The following TMEM8B variants were observed in gnomAD, a reference collection of about 807,000 sequenced individuals.
TMEM8B encodes nasopharyngeal carcinoma expressed 6.
A neutral mutation model predicts 49.3 loss-of-function variants in TMEM8B; 29 were observed. The ratio of observed to expected loss-of-function variants is 0.59; its 90% CI spans 0.44 to 0.80. TMEM8B has a LOEUF of 0.80. TMEM8B is among the 30% of genes least tolerant of loss of function. TMEM8B has a pLI of 0.00. For synonymous variants in TMEM8B, 264 were observed against 272.8 expected (o/e 0.97, Z 0.32); for missense variants, 575 against 658.5 (o/e 0.87, Z 1.39).
At position 35,853,166 on chromosome 9, in the gene TMEM8B, T is replaced by C; in HGVS notation, c.2348T>C (p.Leu783Pro). ...KQVLYLLGAM[L>P]LSMALQLDRH... ...GTGCTGTATTTGCTGGGAGCTATGCTGCTGTCCATGGCTCTGCAGCTTGAC... is the reference window on the plus strand; with the variant it reads ...GTGCTGTATTTGCTGGGAGCTATGCCGCTGTCCATGGCTCTGCAGCTTGAC... Residue 783 changes from leucine to proline, a missense_variant, in exon 12 of 13, where the codon CTG becomes CCG. By Grantham distance (98) the Leu-to-Pro change is moderately conservative. Coordinates refer to ENST00000643932, the MANE Select transcript of TMEM8B (RefSeq NM_001042590.4). The surrounding 1 kb of genome is among the most constrained non-coding windows in gnomAD (Gnocchi z 4.2). 1.2e-6 allele frequency: 2 copies of C among 1,614,150 alleles called. No individual in the cohort carries two copies. Among genetic ancestry groups the C allele is most frequent in the Non-Finnish European group, 1.7e-6 (2 of 1,179,964 alleles).
rs572769821 is a variant in TMEM8B, at chr9:35,853,545, C to T, written c.2480C>T (p.Thr827Met). The T allele has an allele frequency of 1.3e-5, 21 of 1,614,156 alleles. No individual in the cohort carries two copies. The highest frequency in any genetic ancestry group is 8.8e-5 in the South Asian group (8 of 91,088). The change falls in exon 13 of 13, where the codon ACG becomes ATG. Residue 827 changes from threonine to methionine, a missense_variant. By Grantham distance (81) the Thr-to-Met change is moderately conservative. Coordinates refer to ENST00000643932, the MANE Select transcript of TMEM8B (RefSeq NM_001042590.4). The surrounding 1 kb of genome is among the most constrained non-coding windows in gnomAD (Gnocchi z 4.2). ...SVRRRHCYPP[T>M]WRRWLFYLCP... is the part of the protein sequence containing the mutation. ...CGCCGCCGGCACTGCTACCCACCCA[C>T]GTGGCGCCGCTGGCTTTTCTACTTG...
In TMEM8B at chr9:35,859,961, G is replaced by C. The variant is rs1010782340; in HGVS notation, c.*6121G>C. ...CATCAGGACGTATTCCGTCACAGCTGTCTGGTTTGCCCACTTCATCTCATT... is the reference window on the plus strand; with the variant it reads ...CATCAGGACGTATTCCGTCACAGCTCTCTGGTTTGCCCACTTCATCTCATT... On this transcript the variant is annotated 3_prime_UTR_variant, in exon 13 of 13. Transcript: ENST00000643932. 2 of 152,696 alleles carry C rather than the reference G, an allele frequency of 1.3e-5. No homozygotes were observed. The highest frequency in any genetic ancestry group is 2.9e-5 in the Non-Finnish European group (2 of 68,100). The allele number at this position is 152,696 out of a possible 1,614,324, so 9.5% of individuals were successfully genotyped here.
chr9:35,848,653 G>A (rs1831842401), intron 10 of TMEM8B, among the ~76,000 whole-genome samples: 1 of 150,888 alleles, frequency 6.6e-6, no homozygotes, highest in South Asian at 2.1e-4. Context: ...AAAAGCTCCC[G>A]GTTTCTTTCT....
chr9:35,847,933 T>C (rs1831767916), intron 10 of TMEM8B, among the ~76,000 whole-genome samples: 1 of 152,192 alleles, frequency 6.6e-6, no homozygotes, highest in Non-Finnish European at 1.5e-5. Context: ...TTTCAACTCA[T>C]CTCTAGGCTC....
chr9:35,853,028 A>C lies in TMEM8B; in HGVS notation c.2322+55A>C. ...CCATGGCCAAGTCTCCTTGAAATCCACTCCTGACCTCTCCCTGGGGGCATT... is the reference window on the plus strand; with the variant it reads ...CCATGGCCAAGTCTCCTTGAAATCCCCTCCTGACCTCTCCCTGGGGGCATT... On this transcript the variant is annotated intron_variant, in intron 11 of 12. Transcript: ENST00000643932. The surrounding 1 kb of genome is among the most constrained non-coding windows in gnomAD (Gnocchi z 4.2). 6.2e-7 allele frequency: 1 copy of C among 1,610,748 alleles called. No individual in the cohort carries two copies. Among genetic ancestry groups the C allele is most frequent in the Non-Finnish European group, 8.5e-7 (1 of 1,178,108 alleles).
chr9:35,832,741 A>T (rs1360599503), intron 1 of TMEM8B, among the ~76,000 whole-genome samples: 1 of 152,010 alleles, frequency 6.6e-6, no homozygotes, highest in East Asian at 1.9e-4. Flanking sequence ...CCCTTCCCTA[A>T]CCCCAGCAGA....
rs1829579897 is a variant in TMEM8B at position 35,829,258 on chromosome 9, G to T, written c.-190G>T. Reference sequence around the variant, plus strand: ...GACGTCAAGTCGAGGCCGCCGCCGCGGGGCCTGGTTATCGCCGGTTCAGCG... The same window carrying T: ...GACGTCAAGTCGAGGCCGCCGCCGCTGGGCCTGGTTATCGCCGGTTCAGCG... On this transcript the variant is annotated 5_prime_UTR_variant, in exon 1 of 13. Transcript: ENST00000643932. 1 of 353,984 alleles carries T rather than the reference G, an allele frequency of 2.8e-6. No individual in the cohort carries two copies. The allele number at this position is 353,984 out of a possible 1,614,324, so 21.9% of individuals were successfully genotyped here. A position where few individuals can be genotyped will look rare whatever the true frequency, so the allele number is the denominator to read the frequency against.
At chr9:35,831,337 C>T (rs151318323) in intron 1 of TMEM8B, among the ~76,000 whole-genome samples, 35 of 152,320 alleles carry the variant, frequency 2.3e-4, no homozygotes, top group African/African-American at 8.2e-4. Flanking sequence ...CATTCCTCTT[C>T]AGCTCTGCCT....
chr9:35,860,978 A>G lies in TMEM8B; in HGVS notation c.*7138A>G, dbSNP rs139329041. On this transcript the variant is annotated 3_prime_UTR_variant, in exon 13 of 13. Coordinates refer to ENST00000643932, the MANE Select transcript of TMEM8B (RefSeq NM_001042590.4). Reference sequence around the variant, plus strand: ...CCAGCGTCAGGTATTCCTAGGAGGAAGCCCAGGTGTGTCCAGAGAACAGTA... The same window carrying G: ...CCAGCGTCAGGTATTCCTAGGAGGAGGCCCAGGTGTGTCCAGAGAACAGTA... The G allele has an allele frequency of 6.6e-6, 1 of 152,370 alleles. No individual in the cohort carries two copies. Among genetic ancestry groups the G allele is most frequent in the East Asian group, 1.9e-4 (1 of 5,184 alleles). 9.4% of individuals were successfully genotyped at this position (152,370 alleles called of 1,614,324 possible).
At chr9:35,849,567 G>A (rs1831950544) in intron 10 of TMEM8B, among the ~76,000 whole-genome samples, 1 of 152,172 alleles carries the variant, frequency 6.6e-6, no homozygotes, top group Non-Finnish European at 1.5e-5. Context: ...GCCTGAGGTA[G>A]AAGGTGAGTA....
At chr9:35,830,131 A>G (rs1829713635) in intron 1 of TMEM8B, among the ~76,000 whole-genome samples, 176 bp downstream of exon 1, 1 of 152,208 alleles carries the variant, frequency 6.6e-6, no homozygotes, top group African/African-American at 2.4e-5. Context: ...AAAGAGTGGT[A>G]ATTAATTGGG....
intron 6 of TMEM8B, among the ~76,000 whole-genome samples, chr9:35,843,856 A>G (rs1364090394): frequency 6.6e-6 from 1 of 151,832 alleles, no homozygotes; most frequent in African/African-American, 2.4e-5. Flanking sequence ...TCCACTTCGC[A>G]GGTTCAAGTG....
chr9:35,852,763 T>A, intron 10 of TMEM8B, 64 bp from the exon 11 acceptor site: 1 of 1,602,478 alleles, frequency 6.2e-7, no homozygotes, highest in Non-Finnish European at 8.5e-7. Context: ...GGCCCACCCC[T>A]CCGGTTTTGT....
chr9:35,846,735 G>T, intron 9 of TMEM8B, 82 bp from the exon 10 acceptor site: 1 of 1,548,096 alleles, frequency 6.5e-7, no homozygotes, highest in Middle Eastern at 2.3e-4. Flanking sequence ...CAGAGCCGGG[G>T]TGAGACCACC....
chr9:35,836,793 C>T (rs1322587293), intron 3 of TMEM8B, among the ~76,000 whole-genome samples: 2 of 152,206 alleles, frequency 1.3e-5, no homozygotes, highest in Admixed American at 6.5e-5. Flanking sequence ...CTGGTCAGAG[C>T]TTCCCCAGGT....
chr9:35,845,344 T>C (rs1267224503), intron 6 of TMEM8B: 3 of 956,992 alleles, frequency 3.1e-6, no homozygotes, highest in Non-Finnish European at 3.7e-6. Flanking sequence ...TTATATTCTA[T>C]TTTATGTAAG....
rs565168423 is a variant in TMEM8B, at chr9:35,846,517, C to G, written c.1902C>G (p.Phe634Leu). ...CGGCCGAGGTGCGGATGCGCACCTTCCTGTCCCCATGCGTGGACGACTGCG... is the reference window on the plus strand; with the variant it reads ...CGGCCGAGGTGCGGATGCGCACCTTGCTGTCCCCATGCGTGGACGACTGCG... ...NATAEVRMRT[F>L]LSPCVDDCGP... The change falls in exon 9 of 13, where the codon TTC becomes TTG. Residue 634 changes from phenylalanine to leucine, a missense_variant. Phe to Leu is a conservative substitution (Grantham distance 22). Transcript: ENST00000643932. The G allele has an allele frequency of 1.3e-6, 2 of 1,592,594 alleles. No homozygotes were observed. Among genetic ancestry groups the G allele is most frequent in the East Asian group, 4.6e-5 (2 of 43,654 alleles).
In TMEM8B at chr9:35,829,872, C is replaced by A; in HGVS notation, c.425C>A (p.Ser142Tyr). 1 of 416,300 alleles carries A rather than the reference C, an allele frequency of 2.4e-6. No individual in the cohort carries two copies. The allele number at this position is 416,300 out of a possible 1,614,324, so 25.8% of individuals were successfully genotyped here. A position where few individuals can be genotyped will look rare whatever the true frequency, so the allele number is the denominator to read the frequency against. Residue 142 changes from serine to tyrosine, a missense_variant, in exon 1 of 13, where the codon TCC (serine) becomes TAC (tyrosine). Transcript: ENST00000643932. ...CCTATCTCTCATACTCTGCCCCTCTCCCAGCCTAGACTCAAGTCTGGGTTT... is the reference window on the plus strand; with the variant it reads ...CCTATCTCTCATACTCTGCCCCTCTACCAGCCTAGACTCAAGTCTGGGTTT... The part of the protein sequence containing the change: ...VPPISHTLPL[S>Y]QPRLKSGFQL...
chr9:35,845,900 G>T, intron 6 of TMEM8B, 75 bp from the exon 7 acceptor site: 1 of 1,608,102 alleles, frequency 6.2e-7, no homozygotes, highest in Non-Finnish European at 8.5e-7. Flanking sequence ...GGGTTAACAG[G>T]GGTGGGAGTC....
Sources: allele counts gnomAD v4.1 joint callset (sites outside exome capture counted in the v4.1 genomes callset), GRCh38; gene constraint gnomAD v4.1.1; non-coding constraint Gnocchi (gnomAD v3.1); transcripts MANE v1.5; gene names NCBI Gene and HGNC (gene_info 2026-07-23, HGNC 2026-07-21).